SHROOM3: variants seen among roughly 807,000 people sequenced by gnomAD.
SHROOM3 encodes the protein shroom family member 3.
SHROOM3 carries 47 observed loss-of-function variants against 138.6 expected under a neutral mutation model. The ratio of observed to expected loss-of-function variants is 0.34; its 90% CI spans 0.27 to 0.43. The LOEUF (loss-of-function observed/expected upper bound fraction) is 0.43. SHROOM3 is among the 20% of genes least tolerant of loss of function. SHROOM3 has a pLI of 1.00. For missense variants in SHROOM3, 2,491 were observed against 2,596.5 expected (o/e 0.96, Z 0.88); for synonymous variants, 1,062 against 1,063.3 (o/e 1.00, Z 0.02).
chr4:76,672,934 G>A (rs377453515), intron 2 of SHROOM3, among the ~76,000 whole-genome samples: 2 of 152,254 alleles, frequency 1.3e-5, no homozygotes, highest in South Asian at 2.1e-4. Context: ...CTGCCTCATT[G>A]CCCTTAAAAA....
intron 3 of SHROOM3, among the ~76,000 whole-genome samples, chr4:76,725,283 T>C (rs1448069141): frequency 3.9e-5 from 6 of 152,192 alleles, no homozygotes; most frequent in Non-Finnish European, 8.8e-5. Flanking sequence ...AAGTTGAGTT[T>C]GCTGTCTTTG....
At chr4:76,614,984 G>C in intron 2 of SHROOM3, among the ~76,000 whole-genome samples, 1 of 152,134 alleles carries the variant, frequency 6.6e-6, no homozygotes, top group East Asian at 1.9e-4. Flanking sequence ...AAAAAATTGA[G>C]CTATGATTTG....
intron 1 of SHROOM3, among the ~76,000 whole-genome samples, chr4:76,528,409 T>C (rs1355380855): frequency 6.6e-6 from 1 of 150,518 alleles, no homozygotes; most frequent in Non-Finnish European, 1.5e-5. Context: ...ACTTGAACTC[T>C]TGGGCTCAAG....
chr4:76,689,647 G>C (rs1719454086), intron 2 of SHROOM3: 1 of 985,430 alleles, frequency 1.0e-6, no homozygotes. Flanking sequence ...TGAACTTGGC[G>C]TCGGCCTGGA....
rs751814730 is a variant in SHROOM3, at chr4:76,657,190, G to GCT, written c.324-52953_324-52952dup. Among the ~76,000 whole-genome samples the GCT allele has an allele frequency of 4.2e-4, 61 of 144,922 alleles. 1 individual carries two copies. Among genetic ancestry groups the GCT allele is most frequent in the Middle Eastern group, 3.5e-3 (1 of 286 alleles). ...GAAACTCTCTCTCTCTCTCTCTCTC[G>GCT]CTCTCTCTCTCTCTATATATATATA... On this transcript the variant is annotated intron_variant, in intron 2 of 10. Transcript: ENST00000296043.
chr4:76,547,262 T>C (rs1286753325), intron 1 of SHROOM3, among the ~76,000 whole-genome samples: 2 of 152,242 alleles, frequency 1.3e-5, no homozygotes, highest in African/African-American at 2.4e-5. Context: ...CTGGAGAATG[T>C]GGGCTCTGAG....
intron 2 of SHROOM3, among the ~76,000 whole-genome samples, chr4:76,569,257 A>C (rs914470645): frequency 6.6e-6 from 1 of 152,218 alleles, no homozygotes; most frequent in Middle Eastern, 3.2e-3. Context: ...CAGGGGGGGA[A>C]ATAAAGCAAT....
intron 2 of SHROOM3, among the ~76,000 whole-genome samples, chr4:76,600,091 G>A (rs1465310569): frequency 6.6e-6 from 1 of 152,200 alleles, no homozygotes; most frequent in African/African-American, 2.4e-5. Flanking sequence ...GGTCAAGGCT[G>A]CAGTGAGCCA....
At chr4:76,580,384 A>C (rs1223159361) in intron 2 of SHROOM3, among the ~76,000 whole-genome samples, 1 of 151,816 alleles carries the variant, frequency 6.6e-6, no homozygotes, top group African/African-American at 2.4e-5. Flanking sequence ...ATATGACTTG[A>C]AATCAGGTTA....
At chr4:76,604,033 G>C (rs917317478) in intron 2 of SHROOM3, among the ~76,000 whole-genome samples, 1 of 151,546 alleles carries the variant, frequency 6.6e-6, no homozygotes, top group Non-Finnish European at 1.5e-5. Flanking sequence ...CACTATGTTG[G>C]CCAGGCTGGT....
intron 2 of SHROOM3, among the ~76,000 whole-genome samples, chr4:76,571,649 CA>C (rs1733834712): frequency 6.6e-6 from 1 of 152,128 alleles, no homozygotes; most frequent in Non-Finnish European, 1.5e-5. Flanking sequence ...CAAAACAAAA[CA>C]AAGCAAAACC....
At chr4:76,681,906 G>A (rs780346525) in intron 2 of SHROOM3, among the ~76,000 whole-genome samples, 10 of 152,002 alleles carry the variant, frequency 6.6e-5, no homozygotes, top group Non-Finnish European at 1.5e-4. Flanking sequence ...AGGGACTCTG[G>A]GACTGAGTCA....
chr4:76,647,956 C>T (rs1264013956), intron 2 of SHROOM3, among the ~76,000 whole-genome samples: 2 of 152,054 alleles, frequency 1.3e-5, no homozygotes. Context: ...TTTTATGTAT[C>T]GTAGTATCTT....
At chr4:76,633,332 C>CAAAAAAA (rs56002974) in intron 2 of SHROOM3, among the ~76,000 whole-genome samples, 51 of 83,708 alleles carry the variant, frequency 6.1e-4, no homozygotes, top group African/African-American at 8.3e-4. Flanking sequence ...GACTCAGTCT[C>CAAAAAAA]AAAAAAAAAA....
intron 2 of SHROOM3, among the ~76,000 whole-genome samples, chr4:76,640,144 C>A (rs1735623251): frequency 6.6e-6 from 1 of 152,118 alleles, no homozygotes; most frequent in South Asian, 2.1e-4. Context: ...ATAGTTCACG[C>A]TCAAAGAATT....
intron 9 of SHROOM3, among the ~76,000 whole-genome samples, chr4:76,770,072 C>T (rs376380901): frequency 1.3e-5 from 2 of 152,048 alleles, no homozygotes; most frequent in African/African-American, 4.8e-5. Flanking sequence ...CCTATAATCC[C>T]AGCACTTTGA....
intron 2 of SHROOM3, among the ~76,000 whole-genome samples, chr4:76,556,931 GTC>G (rs1733495292): frequency 6.6e-6 from 1 of 152,070 alleles, no homozygotes; most frequent in Non-Finnish European, 1.5e-5. Flanking sequence ...GCTGGGCTGT[GTC>G]TGGTCTGTCT....
chr4:76,665,473 C>A (rs1718667022), intron 2 of SHROOM3, among the ~76,000 whole-genome samples: 1 of 152,196 alleles, frequency 6.6e-6, no homozygotes, highest in South Asian at 2.1e-4. Flanking sequence ...TGGAAGAGAG[C>A]CCAGATCCAT....
chr4:76,648,002 T>C (rs1735864297), intron 2 of SHROOM3, among the ~76,000 whole-genome samples: 1 of 152,158 alleles, frequency 6.6e-6, no homozygotes, highest in South Asian at 2.1e-4. Context: ...TATTTATCCA[T>C]GATACCATCT....
Sources: gnomAD v4.1 joint callset for allele counts (sites outside exome capture counted in the v4.1 genomes callset) on GRCh38, gnomAD v4.1.1 for gene constraint, MANE v1.5 for transcripts, NCBI Gene and HGNC (gene_info 2026-07-23, HGNC 2026-07-21) for gene names.